Variants in ZNF330 observed in about 807,000 individuals in gnomAD.
The protein encoded by ZNF330 is zinc finger protein 330.
A neutral mutation model predicts 45.5 loss-of-function variants in ZNF330; 31 were observed. The ratio of observed to expected loss-of-function variants is 0.68; its 90% confidence interval spans 0.51 to 0.92. ZNF330 has a LOEUF of 0.92. ZNF330 is among the 40% of genes least tolerant of loss of function. ZNF330 has a pLI of 0.00. For synonymous variants in ZNF330, 138 were observed against 123.2 expected, an observed-to-expected ratio of 1.12 and a Z score of -0.79; for missense variants, 356 against 387.4, an observed-to-expected ratio of 0.92 and a Z score of 0.68.
chr4:141,230,488 CA>C (rs991813774), intron 7 of ZNF330, among the ~76,000 whole-genome samples: 5 of 152,054 alleles, frequency 3.3e-5, no homozygotes, highest in Admixed American at 6.6e-5. Flanking sequence ...GCCAGTTTTT[CA>C]TTTTGTAGGC....
chr4:141,228,492 C>T, intron 5 of ZNF330, among the ~76,000 whole-genome samples: 1 of 152,064 alleles, frequency 6.6e-6, no homozygotes, highest in Admixed American at 6.6e-5. Context: ...TTTATCCTTT[C>T]TCTAAGGACC....
chr4:141,226,893 A>G, intron 5 of ZNF330, 47 bp downstream of exon 5: 3 of 1,456,510 alleles, frequency 2.1e-6, no homozygotes, highest in Non-Finnish European at 2.8e-6. Flanking sequence ...CAAGGATAAG[A>G]AAATGTCATT....
chr4:141,227,444 C>T (rs867914907), intron 5 of ZNF330, among the ~76,000 whole-genome samples: 14 of 152,032 alleles, frequency 9.2e-5, no homozygotes, highest in Admixed American at 2.0e-4. Flanking sequence ...CAGCTTCATC[C>T]GTGTCTCTAC....
In ZNF330 at chr4:141,222,466, C is replaced by T; in HGVS notation, c.95C>T (p.Ala32Val). 1 of 1,613,132 alleles carries T rather than the reference C, an allele frequency of 6.2e-7. No individual in the cohort carries two copies. The highest frequency in any genetic ancestry group is 8.5e-7 in the Non-Finnish European group (1 of 1,179,534). ...LRASRSTIDL[A>V]KHPCNASMEC... ...GCATCAAGAAGCACTATAGATTTAG[C>T]TAAACATCCATGTAATGCCTCAATG... Residue 32 changes from alanine to valine, a missense_variant, in exon 2 of 10, where the codon GCT becomes GTT. Physicochemically the swap from Ala to Val is moderately conservative, Grantham distance 64. Coordinates refer to ENST00000262990, the MANE Select transcript of ZNF330 (RefSeq NM_014487.6).
At chr4:141,229,136 G>A (rs972911714) in intron 5 of ZNF330, among the ~76,000 whole-genome samples, 4 of 151,906 alleles carry the variant, frequency 2.6e-5, no homozygotes, top group African/African-American at 9.7e-5. Flanking sequence ...CAAATATATA[G>A]ATAAGAAGGT....
chr4:141,222,620 C>T, intron 2 of ZNF330, 129 bp downstream of exon 2: 1 of 930,536 alleles, frequency 1.1e-6, no homozygotes, highest in Non-Finnish European at 1.6e-6. Context: ...TTTAGTATCT[C>T]TGGCACGTCT....
chr4:141,230,219 C>T lies in ZNF330; in HGVS notation c.472C>T (p.Gln158Ter), dbSNP rs1362235546. Reference sequence around the variant, plus strand: ...CCATAACTTTCTCTGTGAAGATGATCAATTTGAGCATCAAGCCAGCTGCCA... The same window carrying T: ...CCATAACTTTCTCTGTGAAGATGATTAATTTGAGCATCAAGCCAGCTGCCA... ...FCHNFLCEDDQFEHQASCQVL... is the reference protein window; with the variant it reads ...FCHNFLCEDD Residue 158 changes from glutamine to a stop codon, truncating the protein, a stop_gained, in exon 7 of 10, where the codon CAA (glutamine) becomes TAA (stop). Transcript: ENST00000262990. LOFTEE classifies it high-confidence loss of function. 6.2e-7 allele frequency: 1 copy of T among 1,611,308 alleles called. No homozygotes were observed. Among genetic ancestry groups the T allele is most frequent in the Non-Finnish European group, 8.5e-7 (1 of 1,178,514 alleles).
At position 141,230,148 on chromosome 4, in the gene ZNF330, GT is replaced by G. The variant is rs1488154615; in HGVS notation, c.419-11del. 4.6e-6 allele frequency: 7 copies of G among 1,527,604 alleles called. No individual in the cohort carries two copies. Among genetic ancestry groups the G allele is most frequent in the Middle Eastern group, 1.9e-4 (1 of 5,220 alleles). 94.6% of individuals were successfully genotyped at this position (1,527,604 alleles called of 1,614,324 possible). ...TAAAGTTTATCTTAATTACATTTGT[GT>G]TTTTTTAATCCAATAGGAGGCAGAA... On this transcript the variant is annotated splice_polypyrimidine_tract_variant and intron_variant, in intron 6 of 9. Transcript: ENST00000262990.
At position 141,229,556 on chromosome 4, in the gene ZNF330, G is replaced by C; in HGVS notation, c.292-15G>C. ...CAGGTGATAATGATTATGTATTCTT[G>C]TTCCTTGGTTACAGGGTGCAATATG... On this transcript the variant is annotated splice_polypyrimidine_tract_variant and intron_variant, in intron 5 of 9. Coordinates refer to ENST00000262990, the MANE Select transcript of ZNF330 (RefSeq NM_014487.6). The C allele has an allele frequency of 6.2e-7, 1 of 1,612,276 alleles. No individual in the cohort carries two copies. The highest frequency in any genetic ancestry group is 1.3e-5 in the African/African-American group (1 of 74,914).
Position 141,234,207 on chromosome 4 carries a change from A to G in ZNF330, c.*218A>G. 1.2e-6 allele frequency: 1 copy of G among 838,074 alleles called. No homozygotes were observed. Among genetic ancestry groups the G allele is most frequent in the Non-Finnish European group, 1.6e-6 (1 of 613,232 alleles). 51.9% of individuals were successfully genotyped at this position (838,074 alleles called of 1,614,324 possible). A position where few individuals can be genotyped will look rare whatever the true frequency, so the allele number is the denominator to read the frequency against. On this transcript the variant is annotated 3_prime_UTR_variant, in exon 10 of 10. Coordinates refer to ENST00000262990, the MANE Select transcript of ZNF330 (RefSeq NM_014487.6). ...AGTTTCAAATTTAAGATGTTTATTGATCGAAGCAATTGAAGTATCATGGAT... is the reference window on the plus strand; with the variant it reads ...AGTTTCAAATTTAAGATGTTTATTGGTCGAAGCAATTGAAGTATCATGGAT...
intron 2 of ZNF330, chr4:141,224,091 A>C: frequency 3.5e-6 from 1 of 286,222 alleles, no homozygotes; most frequent in Non-Finnish European, 6.7e-6. Context: ...TGCCTTAGAT[A>C]AATGCATTAT....
intron 5 of ZNF330, 56 bp from the exon 6 acceptor site, chr4:141,229,515 A>C: frequency 6.2e-7 from 1 of 1,606,118 alleles, no homozygotes; most frequent in Non-Finnish European, 8.5e-7. Flanking sequence ...GTGGTTAAAG[A>C]ATGGTTGCAG....
In ZNF330 at chr4:141,232,614, T is replaced by G; in HGVS notation, c.660T>G (p.Thr220=). 3 of 1,589,526 alleles carry G rather than the reference T, an allele frequency of 1.9e-6. No individual in the cohort carries two copies. Among genetic ancestry groups the G allele is most frequent in the Non-Finnish European group, 2.6e-6 (3 of 1,168,140 alleles). Reference sequence around the variant, plus strand: ...CTTGTCCTAAATGTGGGCATGAAACTCAGGAGACTAAGGACCTTAGCATGT... The same window carrying G: ...CTTGTCCTAAATGTGGGCATGAAACGCAGGAGACTAAGGACCTTAGCATGT... ...QPPCPKCGHE[T]QETKDLSMST... The change falls in exon 9 of 10, where the codon ACT becomes ACG. Residue 220 remains threonine (T), a synonymous_variant. Coordinates refer to ENST00000262990, the MANE Select transcript of ZNF330 (RefSeq NM_014487.6).
chr4:141,224,670 A>G lies in ZNF330; in HGVS notation c.204A>G (p.Ala68=). The G allele has an allele frequency of 6.2e-7, 1 of 1,613,236 alleles. No individual in the cohort carries two copies. The highest frequency in any genetic ancestry group is 8.5e-7 in the Non-Finnish European group (1 of 1,179,384). Residue 68 remains alanine, a synonymous_variant, in exon 4 of 10, where the codon GCA becomes GCG. Transcript: ENST00000262990. ...CNSVQKLPIC[A]QCGKTKCMMK... ...CTGTACAGAAGTTACCAATTTGTGC[A>G]CAGTGTGGTAAGTTTGTAATAATTA...
At chr4:141,224,795 C>T in intron 4 of ZNF330, 118 bp downstream of exon 4, 2 of 803,298 alleles carry the variant, frequency 2.5e-6, no homozygotes, top group Non-Finnish European at 2.0e-6. Flanking sequence ...AATATTATGC[C>T]TTACCATTAA....
chr4:141,229,383 T>C (rs1342393777), intron 5 of ZNF330, among the ~76,000 whole-genome samples, 188 bp from the exon 6 acceptor site: 1 of 152,136 alleles, frequency 6.6e-6, no homozygotes, highest in East Asian at 1.9e-4. Context: ...TGTTAAGAAG[T>C]TGTTTTTCAG....
chr4:141,222,726 A>G, intron 2 of ZNF330: 1 of 299,712 alleles, frequency 3.3e-6, no homozygotes, highest in Non-Finnish European at 6.2e-6. Context: ...AAAGGTAGAT[A>G]TTGGACAAGA....
chr4:141,232,421 A>C, intron 8 of ZNF330, 104 bp from the exon 9 acceptor site: 1 of 555,690 alleles, frequency 1.8e-6, no homozygotes. Context: ...AAAATTGTTA[A>C]TCTCACTGCC....
chr4:141,231,866 C>A (rs1033252765), intron 8 of ZNF330, among the ~76,000 whole-genome samples: 3 of 152,062 alleles, frequency 2.0e-5, no homozygotes, highest in Non-Finnish European at 4.4e-5. Context: ...AGCATTCGTT[C>A]GTCAAAGATT....
Sources: allele counts gnomAD v4.1 joint callset (sites outside exome capture counted in the v4.1 genomes callset), GRCh38; gene constraint gnomAD v4.1.1; transcripts MANE v1.5; gene names NCBI Gene and HGNC (gene_info 2026-07-23, HGNC 2026-07-21).